The following TRPC6 variants were observed in gnomAD, a reference collection of about 807,000 sequenced individuals.
TRPC6 encodes short transient receptor potential channel 6.
TRPC6 carries 55 observed loss-of-function variants against 90.7 expected under a neutral mutation model. The observed-to-expected ratio is 0.61, with a 90% CI of 0.49 to 0.76. TRPC6 has a LOEUF of 0.76. Among genes scored for constraint, TRPC6 ranks in the 30% least tolerant of loss-of-function variants. The pLI is 0.00. For missense variants in TRPC6, 989 were observed against 1,122.7 expected, an observed-to-expected ratio of 0.88 and a Z score of 1.70; for synonymous variants, 393 against 393.0, an observed-to-expected ratio of 1.00 and a Z score of 0.00.
At chr11:101,465,597 T>C (rs976865116) in intron 10 of TRPC6, among the ~76,000 whole-genome samples, 3 of 152,224 alleles carry the variant, frequency 2.0e-5, no homozygotes, top group African/African-American at 7.2e-5. Context: ...GATACTTGTG[T>C]ATGCTTCACA....
intron 1 of TRPC6, among the ~76,000 whole-genome samples, chr11:101,542,877 A>AT (rs1365385777): frequency 6.6e-6 from 1 of 152,122 alleles, no homozygotes; most frequent in African/African-American, 2.4e-5. Context: ...GTGACCTTAG[A>AT]TTAGCAAAGG....
At chr11:101,498,600 G>C (rs532926098) in intron 2 of TRPC6, among the ~76,000 whole-genome samples, 169 of 152,288 alleles carry the variant, frequency 1.1e-3, no homozygotes, top group African/African-American at 3.9e-3. Context: ...GGTTATTGTA[G>C]TAGGGGACAG....
intron 2 of TRPC6, 98 bp from the exon 3 acceptor site, chr11:101,491,836 C>CTTTTTTTTTTTTTTTTTTTTTTTTTT (rs71056611): frequency 2.6e-6 from 1 of 382,420 alleles, no homozygotes; most frequent in African/African-American, 3.6e-5. Flanking sequence ...GAGAAACATT[C>CTTTTTTTTTTTTTTTTTTTTTTTTTT]TTTTTTTTTT....
chr11:101,464,923 C>T (rs191439205), intron 10 of TRPC6, among the ~76,000 whole-genome samples: 4 of 152,300 alleles, frequency 2.6e-5, no homozygotes, highest in African/African-American at 9.6e-5. Context: ...TTTGCAGCAG[C>T]TTGTACCGGT....
At chr11:101,579,629 G>GA (rs1862148847) in intron 1 of TRPC6, among the ~76,000 whole-genome samples, 1 of 152,100 alleles carries the variant, frequency 6.6e-6, no homozygotes, top group South Asian at 2.1e-4. Context: ...TTTCCATGTT[G>GA]ACTATTTCTA....
At chr11:101,512,168 TA>T (rs1344420494) in intron 1 of TRPC6, among the ~76,000 whole-genome samples, 1 of 152,148 alleles carries the variant, frequency 6.6e-6, no homozygotes, top group African/African-American at 2.4e-5. Context: ...TTGATTCAAT[TA>T]GTTTCAATTC....
rs915885284 is a variant in TRPC6, at chr11:101,503,874, A to C, written c.945+150T>G. ...TGGTAGCGATCACAACTTTTGCTAC[A>C]ATGATTATAATAAAGAGCTTGTTGA... On this transcript the variant is annotated intron_variant, in intron 2 of 12. Transcript: ENST00000344327. The C allele has an allele frequency of 5.1e-6, 5 of 988,854 alleles. No homozygotes were observed. The African/African-American group carries it at 8.1e-5, about 16-fold the overall frequency. 61.3% of individuals were successfully genotyped at this position (988,854 alleles called of 1,614,324 possible).
Position 101,452,824 on chromosome 11 carries a change from A to T in TRPC6, c.*131T>A. 9.4e-7 allele frequency: 1 copy of T among 1,062,800 alleles called. No homozygotes were observed. Among genetic ancestry groups the T allele is most frequent in the East Asian group, 2.4e-5 (1 of 41,616 alleles). The allele number at this position is 1,062,800 out of a possible 1,614,324, so 65.8% of individuals were successfully genotyped here. Reference sequence around the variant, plus strand: ...AAATTAGATACTAGGGCTCCAGATGATAGGATGGCCCAAGTTATTTAACGT... The same window carrying T: ...AAATTAGATACTAGGGCTCCAGATGTTAGGATGGCCCAAGTTATTTAACGT... On this transcript the variant is annotated 3_prime_UTR_variant, in exon 13 of 13. Transcript: ENST00000344327.
chr11:101,509,380 G>A (rs773665637), intron 1 of TRPC6, among the ~76,000 whole-genome samples: 1 of 151,992 alleles, frequency 6.6e-6, no homozygotes, highest in Non-Finnish European at 1.5e-5. Flanking sequence ...TTACAGGTAT[G>A]AGCCACCACA....
At chr11:101,534,451 T>C (rs1023707430) in intron 1 of TRPC6, among the ~76,000 whole-genome samples, 15 of 152,120 alleles carry the variant, frequency 9.9e-5, no homozygotes, top group Non-Finnish European at 1.5e-4. Context: ...TCACTTCTTA[T>C]ACAATCTGTA....
intron 1 of TRPC6, among the ~76,000 whole-genome samples, chr11:101,570,488 G>T (rs1861937839): frequency 6.6e-6 from 1 of 152,020 alleles, no homozygotes; most frequent in Non-Finnish European, 1.5e-5. Flanking sequence ...ATTCCAAACA[G>T]TAGAAAAAGA....
intron 2 of TRPC6, among the ~76,000 whole-genome samples, chr11:101,497,818 T>C (rs1859988208): frequency 1.3e-5 from 2 of 152,162 alleles, no homozygotes; most frequent in African/African-American, 4.8e-5. Flanking sequence ...TTTTAAGCCC[T>C]GCATGCATTA....
intron 3 of TRPC6, 166 bp downstream of exon 3, chr11:101,491,390 C>T (rs368282882): frequency 8.9e-6 from 7 of 785,648 alleles, no homozygotes; most frequent in Non-Finnish European, 1.4e-5. Flanking sequence ...GCCGAGATCG[C>T]ACCACTGCAC....
chr11:101,547,531 G>A (rs558380380), intron 1 of TRPC6, among the ~76,000 whole-genome samples: 52 of 152,184 alleles, frequency 3.4e-4, no homozygotes, highest in African/African-American at 1.2e-3. Context: ...TACACTCCCC[G>A]CGCATTTAGC....
At chr11:101,496,481 C>T (rs10501979) in intron 2 of TRPC6, among the ~76,000 whole-genome samples, 15,485 of 152,034 alleles carry the variant, frequency 0.1, 895 homozygotes, top group East Asian at 0.16. Flanking sequence ...TTAATCGGCA[C>T]TATTCTATAG....
At chr11:101,512,773 T>C (rs1860424001) in intron 1 of TRPC6, among the ~76,000 whole-genome samples, 1 of 152,194 alleles carries the variant, frequency 6.6e-6, no homozygotes, top group Non-Finnish European at 1.5e-5. Context: ...AAAGTTTCTT[T>C]GTAATACCAG....
Position 101,509,873 on chromosome 11 carries a change from C to T in TRPC6, c.171-5075G>A, listed in dbSNP as rs190460242. ...CTGTCAACTATATATGAGTCTGTGA[C>T]AGAATTACAACTTGGTCATTCTGTA... On this transcript the variant is annotated intron_variant, in intron 1 of 12. Coordinates refer to ENST00000344327, the MANE Select transcript of TRPC6 (RefSeq NM_004621.6). 4.0e-3 allele frequency among the ~76,000 whole-genome samples: 606 copies of T among 152,176 alleles called. 10 individuals are homozygous for T. The highest frequency in any genetic ancestry group is 0.014 in the African/African-American group (587 of 41,478).
intron 1 of TRPC6, among the ~76,000 whole-genome samples, chr11:101,507,220 A>C (rs1860295288): frequency 6.6e-6 from 1 of 152,090 alleles, no homozygotes; most frequent in Non-Finnish European, 1.5e-5. Context: ...CTAATAGATA[A>C]AAATTCTCTT....
rs144995496 is a variant in TRPC6 at position 101,473,873 on chromosome 11, G to A, written c.1745-100C>T. The A allele has an allele frequency of 4.2e-4, 658 of 1,554,462 alleles. No individual in the cohort carries two copies. The African/African-American group carries it at 7.1e-3, about 17-fold the overall frequency. On this transcript the variant is annotated intron_variant, in intron 6 of 12. Transcript: ENST00000344327. ...AAGAAATATAGTTATGTTAGAATCC[G>A]GTTTTCGAATGGAAGTCTCCTATCT... is the stretch of plus-strand genomic sequence containing the variant.
Sources: allele counts gnomAD v4.1 joint callset (sites outside exome capture counted in the v4.1 genomes callset), GRCh38; gene constraint gnomAD v4.1.1; transcripts MANE v1.5; gene names NCBI Gene and HGNC (gene_info 2026-07-23, HGNC 2026-07-21).